The following TUBGCP4 variants were observed in gnomAD, a reference collection of about 807,000 sequenced individuals.
TUBGCP4 encodes gamma-tubulin complex component 4.
TUBGCP4 carries 54 observed loss-of-function variants against 91.6 expected under a neutral mutation model. The ratio of observed to expected loss-of-function variants is 0.59; its 90% confidence interval spans 0.47 to 0.74. The LOEUF is 0.74. TUBGCP4 is among the 30% of genes least tolerant of loss of function. The pLI is 0.00. For synonymous variants in TUBGCP4, 297 were observed against 302.8 expected (o/e 0.98, Z 0.20); for missense variants, 593 against 800.9 (o/e 0.74, Z 3.13).
intron 9 of TUBGCP4, among the ~76,000 whole-genome samples, chr15:43,389,814 C>A (rs976218168): frequency 3.3e-5 from 5 of 151,918 alleles, no homozygotes; most frequent in Non-Finnish European, 7.4e-5. Flanking sequence ...TGGCTGAAGG[C>A]GAATGAGGAG....
rs1697558040 is a variant in TUBGCP4, at chr15:43,379,965, A to T, written c.442-119A>T. On this transcript the variant is annotated intron_variant, in intron 5 of 17. Transcript: ENST00000564079. ...AGAACCACTATGTGTAAATCTTAGG[A>T]GAAAGTTTATCCCCAGTCTCTCCTA... The T allele has an allele frequency of 5.3e-6, 5 of 940,606 alleles. No homozygotes were observed. The South Asian group carries it at 7.1e-5, about 13-fold the overall frequency. The allele number at this position is 940,606 out of a possible 1,614,324, so 58.3% of individuals were successfully genotyped here.
Position 43,408,048 on chromosome 15 carries a change from A to G in TUBGCP4, c.*2834A>G, listed in dbSNP as rs776940490. 1.7e-5 allele frequency: 27 copies of G among 1,614,208 alleles called. No homozygotes were observed. The highest frequency in any genetic ancestry group is 2.2e-5 in the Non-Finnish European group (26 of 1,180,016). ...AAGTTCTGCTGTTGGTCTGATACCA[A>G]GAGTACCTTCAGATTCTGGAAAGGA... On this transcript the variant is annotated 3_prime_UTR_variant, in exon 18 of 18. Coordinates refer to ENST00000564079, the MANE Select transcript of TUBGCP4 (RefSeq NM_014444.5).
rs762998103 is a variant in TUBGCP4, at chr15:43,402,152, G to A, written c.1731+302G>A. ...AAAAATAATAGGTGTGGTGGCTCGC[G>A]CCTGTAATCCCAGCTACTTGGGAGG... On this transcript the variant is annotated intron_variant, in intron 15 of 17. Transcript: ENST00000564079. The A allele has an allele frequency of 1.3e-5, 3 of 236,520 alleles. No homozygotes were observed. In the South Asian group the frequency reaches 1.7e-4, roughly 14 times the overall value. 14.7% of individuals were successfully genotyped at this position (236,520 alleles called of 1,614,324 possible).
chr15:43,408,671 A>G lies in TUBGCP4; in HGVS notation c.*3457A>G. 1.9e-6 allele frequency: 1 copy of G among 536,622 alleles called. No homozygotes were observed. The highest frequency in any genetic ancestry group is 3.4e-6 in the Non-Finnish European group (1 of 298,326). The allele number at this position is 536,622 out of a possible 1,614,324, so 33.2% of individuals were successfully genotyped here. ...AGTTCTCTGACTTTACAGGTTGAGA[A>G]TATTGAACCTATATACAAATCTTCA... On this transcript the variant is annotated 3_prime_UTR_variant, in exon 18 of 18. Coordinates refer to ENST00000564079, the MANE Select transcript of TUBGCP4 (RefSeq NM_014444.5).
chr15:43,393,496 G>T (rs1488716057), intron 9 of TUBGCP4, among the ~76,000 whole-genome samples: 1 of 151,712 alleles, frequency 6.6e-6, no homozygotes, highest in Non-Finnish European at 1.5e-5. Context: ...TGCACAATGT[G>T]CAGGTTTGTT....
chr15:43,391,977 C>G (rs2044475604), intron 9 of TUBGCP4, among the ~76,000 whole-genome samples: 1 of 151,856 alleles, frequency 6.6e-6, no homozygotes, highest in African/African-American at 2.4e-5. Flanking sequence ...ATTGCTTGAA[C>G]CTCGGAGGCA....
At chr15:43,398,935 C>T (rs946325948) in intron 13 of TUBGCP4, among the ~76,000 whole-genome samples, 2 of 152,200 alleles carry the variant, frequency 1.3e-5, no homozygotes, top group African/African-American at 4.8e-5. Context: ...CATATTTCAA[C>T]AGAACTACAA....
Position 43,404,503 on chromosome 15 carries a change from C to A in TUBGCP4, c.1939C>A (p.Arg647=), listed in dbSNP as rs201999864. The change falls in exon 17 of 18, where the codon CGA becomes AGA. Residue 647 remains arginine, a synonymous_variant. Coordinates refer to ENST00000564079, the MANE Select transcript of TUBGCP4 (RefSeq NM_014444.5). The part of the protein sequence containing the change: ...INSDLAQLLL[R]LDYNKYYTQA... Reference sequence around the variant, plus strand: ...CTCAGATTTGGCTCAACTACTGTTACGACTAGATTATAACAAATACTATAC... The same window carrying A: ...CTCAGATTTGGCTCAACTACTGTTAAGACTAGATTATAACAAATACTATAC... 14 of 1,613,990 alleles carry A rather than the reference C, an allele frequency of 8.7e-6. No homozygotes were observed. The East Asian group carries it at 8.9e-5, about 10-fold the overall frequency.
Position 43,408,654 on chromosome 15 carries a change from G to A in TUBGCP4, c.*3440G>A, listed in dbSNP as rs1156709239. 2 of 493,508 alleles carry A rather than the reference G, an allele frequency of 4.1e-6. No homozygotes were observed. Among genetic ancestry groups the A allele is most frequent in the Non-Finnish European group, 3.7e-6 (1 of 272,612 alleles). 30.6% of individuals were successfully genotyped at this position (493,508 alleles called of 1,614,324 possible). On this transcript the variant is annotated 3_prime_UTR_variant, in exon 18 of 18. Transcript: ENST00000564079. ...ATGCTTGCTTAAAACTTAGTTCTCTGACTTTACAGGTTGAGAATATTGAAC... is the reference window on the plus strand; with the variant it reads ...ATGCTTGCTTAAAACTTAGTTCTCTAACTTTACAGGTTGAGAATATTGAAC...
chr15:43,376,933 A>G (rs1424734828), intron 3 of TUBGCP4, 81 bp from the exon 4 acceptor site: 3 of 1,211,714 alleles, frequency 2.5e-6, no homozygotes, highest in Non-Finnish European at 3.7e-6. Context: ...GCCCATCATG[A>G]GATTCTCTTC....
intron 9 of TUBGCP4, among the ~76,000 whole-genome samples, chr15:43,386,780 C>A (rs1352717509): frequency 7.1e-6 from 1 of 140,746 alleles, no homozygotes; most frequent in Non-Finnish European, 1.5e-5. Context: ...TTGTTTTTAT[C>A]TTGATGTCTT....
rs1250099508 is a variant in TUBGCP4 at position 43,406,036 on chromosome 15, G to A, written c.*822G>A. Reference sequence around the variant, plus strand: ...GCCCGGGCAACAAGAGCGAAATTCCGTCTCAAAAAAAAAAAAAAAAAAAAA... The same window carrying A: ...GCCCGGGCAACAAGAGCGAAATTCCATCTCAAAAAAAAAAAAAAAAAAAAA... On this transcript the variant is annotated 3_prime_UTR_variant, in exon 18 of 18. Transcript: ENST00000564079. 6 of 72,564 alleles carry A rather than the reference G, an allele frequency of 8.3e-5. No individual in the cohort carries two copies. The highest frequency in any genetic ancestry group is 2.1e-4 in the Admixed American group (1 of 4,834). The allele number at this position is 72,564 out of a possible 1,614,324, so 4.5% of individuals were successfully genotyped here.
chr15:43,392,119 CAT>C (rs1491116472), intron 9 of TUBGCP4, among the ~76,000 whole-genome samples: 25 of 139,286 alleles, frequency 1.8e-4, no homozygotes, highest in South Asian at 4.4e-4. Context: ...CACACACACA[CAT>C]ATTTTTTTTT....
intron 13 of TUBGCP4, 58 bp from the exon 14 acceptor site, chr15:43,399,986 T>TG (rs1214871739): frequency 3.5e-6 from 5 of 1,434,720 alleles, no homozygotes; most frequent in African/African-American, 2.8e-5. Flanking sequence ...GTCTGTCGTG[T>TG]GGGGGAAGTG....
At chr15:43,401,667 G>A (rs778354783) in intron 14 of TUBGCP4, 49 bp from the exon 15 acceptor site, 24 of 1,596,432 alleles carry the variant, frequency 1.5e-5, no homozygotes, top group East Asian at 2.2e-5. Flanking sequence ...TAATGTCTTC[G>A]AGTGCTTAGA....
At chr15:43,374,095 C>T (rs978937353) in intron 1 of TUBGCP4, among the ~76,000 whole-genome samples, 1 of 152,134 alleles carries the variant, frequency 6.6e-6, no homozygotes, top group Non-Finnish European at 1.5e-5. Flanking sequence ...AATTCTTCTT[C>T]GCCTATTTGT....
intron 13 of TUBGCP4, among the ~76,000 whole-genome samples, chr15:43,399,661 AG>A (rs1204236569): frequency 6.6e-6 from 1 of 152,244 alleles, no homozygotes; most frequent in African/African-American, 2.4e-5. Context: ...TAAGAATTAT[AG>A]AAAAGGCTAT....
intron 1 of TUBGCP4, 83 bp downstream of exon 1, chr15:43,371,515 C>A: frequency 7.0e-7 from 1 of 1,420,276 alleles, no homozygotes; most frequent in Non-Finnish European, 9.8e-7. Context: ...GGCTGAGGGA[C>A]CTAGCGAGCG....
At chr15:43,399,924 CTCTT>C (rs3038780) in intron 13 of TUBGCP4, 116 bp from the exon 14 acceptor site, 8,315 of 614,504 alleles carry the variant, frequency 0.014, 402 homozygotes, top group African/African-American at 0.12. Flanking sequence ...TCTCTAGTCA[CTCTT>C]TCCTTACTGC....
Sources: gnomAD v4.1 joint callset for allele counts (sites outside exome capture counted in the v4.1 genomes callset) on GRCh38, gnomAD v4.1.1 for gene constraint, MANE v1.5 for transcripts, NCBI Gene and HGNC (gene_info 2026-07-23, HGNC 2026-07-21) for gene names.